The following ZCWPW1 variants were observed in gnomAD, a reference collection of about 807,000 sequenced individuals.
ZCWPW1 encodes zinc finger CW-type and PWWP domain containing 1.
A neutral mutation model predicts 81.3 loss-of-function variants in ZCWPW1; 56 were observed. That is an observed-to-expected ratio of 0.69 (90% CI 0.56 to 0.86). The LOEUF (loss-of-function observed/expected upper bound fraction) is 0.86. ZCWPW1 is among the 40% of genes least tolerant of loss of function. The pLI is 0.00. For synonymous variants in ZCWPW1, 250 were observed against 273.7 expected, an observed-to-expected ratio of 0.91 and a Z score of 0.86; for missense variants, 650 against 769.8, an observed-to-expected ratio of 0.84 and a Z score of 1.84.
chr7:100,409,373 G>A, intron 9 of ZCWPW1, 55 bp downstream of exon 9: 4 of 1,380,782 alleles, frequency 2.9e-6, no homozygotes, highest in Non-Finnish European at 3.1e-6. Context: ...TAAGTGCAGA[G>A]AAAGAAAGGG....
intron 8 of ZCWPW1, among the ~76,000 whole-genome samples, chr7:100,411,806 T>A (rs1360668984): frequency 6.6e-6 from 1 of 152,084 alleles, no homozygotes; most frequent in Non-Finnish European, 1.5e-5. Context: ...ATCACTATAA[T>A]GATATGGAAC....
At chr7:100,419,483 A>C in intron 4 of ZCWPW1, 147 bp downstream of exon 4, 2 of 1,400,396 alleles carry the variant, frequency 1.4e-6, no homozygotes, top group South Asian at 3.1e-5. Flanking sequence ...CTCTTTGAGA[A>C]AAAAAAAAGG....
intron 10 of ZCWPW1, 96 bp from the exon 11 acceptor site, chr7:100,407,399 G>C: frequency 8.6e-7 from 1 of 1,161,530 alleles, no homozygotes; most frequent in Non-Finnish European, 1.2e-6. Flanking sequence ...AGAGCAGTAT[G>C]ATTTTTTTTC....
chr7:100,411,569 T>C (rs1794173867), intron 8 of ZCWPW1, among the ~76,000 whole-genome samples: 1 of 151,868 alleles, frequency 6.6e-6, no homozygotes, highest in Non-Finnish European at 1.5e-5. Context: ...ATGCCCAGCC[T>C]CAATTACCTT....
At chr7:100,403,232 T>G (rs1042462513) in intron 15 of ZCWPW1, among the ~76,000 whole-genome samples, 1 of 151,722 alleles carries the variant, frequency 6.6e-6, no homozygotes, top group Non-Finnish European at 1.5e-5. Context: ...TTTTTTTTTT[T>G]TGAGAGGGAG....
chr7:100,413,265 C>A (rs1794583185), intron 8 of ZCWPW1, among the ~76,000 whole-genome samples: 1 of 152,226 alleles, frequency 6.6e-6, no homozygotes, highest in African/African-American at 2.4e-5. Flanking sequence ...TTTGACCTAG[C>A]CACTGCCTCC....
rs543500449 is a variant in ZCWPW1 at position 100,424,553 on chromosome 7, C to T, written c.-30+477G>A. ...CTTGGCTCACTGAAACCTCTGCCTC[C>T]CAGGTTCAAGCGATTCTCCTGCCTC... On this transcript the variant is annotated intron_variant, in intron 2 of 17. Coordinates refer to ENST00000684423, the MANE Select transcript of ZCWPW1 (RefSeq NM_001386010.1). Among the ~76,000 whole-genome samples, 68 of 152,188 alleles carry T rather than the reference C, an allele frequency of 4.5e-4. 1 individual carries two copies. In the South Asian group the frequency reaches 0.013, roughly 29 times the overall value.
intron 5 of ZCWPW1, 153 bp from the exon 6 acceptor site, chr7:100,417,336 A>T: frequency 1.7e-6 from 1 of 585,210 alleles, no homozygotes; most frequent in East Asian, 2.9e-5. Context: ...TTTTCAGGAA[A>T]AACTACAAAT....
chr7:100,415,875 C>T (rs1337066130), intron 8 of ZCWPW1, 100 bp downstream of exon 8: 12 of 1,463,732 alleles, frequency 8.2e-6, no homozygotes, highest in Admixed American at 1.9e-5. Context: ...GAGAGATTGA[C>T]TATATTCTTT....
At chr7:100,416,261 C>T in intron 7 of ZCWPW1, 44 bp downstream of exon 7, 1 of 1,605,166 alleles carries the variant, frequency 6.2e-7, no homozygotes, top group African/African-American at 1.3e-5. Context: ...TTTCCTGGAG[C>T]TAGTACTTGA....
intron 3 of ZCWPW1, 45 bp from the exon 4 acceptor site, chr7:100,419,928 A>T (rs1712089780): frequency 6.8e-7 from 1 of 1,460,754 alleles, no homozygotes; most frequent in African/African-American, 1.4e-5. Flanking sequence ...CATACAGTCT[A>T]ACAGAGATTG....
At chr7:100,419,967 C>T in intron 3 of ZCWPW1, 84 bp from the exon 4 acceptor site, 1 of 1,141,890 alleles carries the variant, frequency 8.8e-7, no homozygotes. Context: ...CTAGCCATAA[C>T]AGAATGATAT....
At chr7:100,410,628 T>C (rs1472410886) in intron 8 of ZCWPW1, among the ~76,000 whole-genome samples, 1 of 152,148 alleles carries the variant, frequency 6.6e-6, no homozygotes, top group African/African-American at 2.4e-5. Context: ...CACCCCATTA[T>C]TTCAGTCCCT....
intron 8 of ZCWPW1, among the ~76,000 whole-genome samples, chr7:100,414,940 G>T (rs560222298): frequency 3.0e-4 from 46 of 151,662 alleles, no homozygotes; most frequent in Admixed American, 8.5e-4. Flanking sequence ...CAGGAGAATC[G>T]CTTGAACCCG....
Position 100,417,133 on chromosome 7 carries a change from C to T in ZCWPW1, c.412G>A (p.Val138Ile), listed in dbSNP as rs1252162671. 6.2e-7 allele frequency: 1 copy of T among 1,613,966 alleles called. No individual in the cohort carries two copies. The highest frequency in any genetic ancestry group is 8.5e-7 in the Non-Finnish European group (1 of 1,179,986). Reference protein sequence around the residue: ...FAETSCAQPVVSTQSDKEPGI... With the variant: ...FAETSCAQPVISTQSDKEPGI... The stretch of plus-strand genomic sequence containing the variant: ...GGCTCCTTGTCTGATTGGGTAGATA[C>T]TACGGGCTGGGCACAAGAAGTCTCT... The change falls in exon 6 of 18, where the codon GTA (valine) becomes ATA (isoleucine). Residue 138 changes from valine to isoleucine, a missense_variant. Transcript: ENST00000684423.
In ZCWPW1 at chr7:100,419,177, G is replaced by T; in HGVS notation, c.295C>A (p.Leu99Ile). 6.2e-7 allele frequency: 1 copy of T among 1,613,014 alleles called. No individual in the cohort carries two copies. Among genetic ancestry groups the T allele is most frequent in the African/African-American group, 1.3e-5 (1 of 74,962 alleles). ...ATCTCCTCAAATTCTGCATTGGTAA[G>T]ACTTGATTTTTCCTGCAGAGACAAG... ...AEKKEKEKSSLTNAEFEEIVQ... is the reference protein window; with the variant it reads ...AEKKEKEKSSITNAEFEEIVQ... The change falls in exon 5 of 18, where the codon CTT (leucine) becomes ATT (isoleucine). Residue 99 changes from leucine to isoleucine, a missense_variant. Coordinates refer to ENST00000684423, the MANE Select transcript of ZCWPW1 (RefSeq NM_001386010.1).
intron 10 of ZCWPW1, among the ~76,000 whole-genome samples, chr7:100,407,562 A>G (rs1486781810): frequency 6.6e-6 from 1 of 151,704 alleles, no homozygotes; most frequent in African/African-American, 2.4e-5. Context: ...CCAGCTGTTT[A>G]TTTTATTTTT....
intron 14 of ZCWPW1, 111 bp downstream of exon 14, chr7:100,404,067 C>A: frequency 8.4e-7 from 1 of 1,183,498 alleles, no homozygotes; most frequent in South Asian, 1.4e-5. Flanking sequence ...ATTAAAGAAT[C>A]CAGAATTAGC....
At chr7:100,420,367 A>G (rs752283084) in intron 3 of ZCWPW1, among the ~76,000 whole-genome samples, 1 of 152,226 alleles carries the variant, frequency 6.6e-6, no homozygotes, top group Non-Finnish European at 1.5e-5. Context: ...TACTCTGCAC[A>G]TAACTGGTGG....
Sources: allele counts gnomAD v4.1 joint callset (sites outside exome capture counted in the v4.1 genomes callset), GRCh38; gene constraint gnomAD v4.1.1; transcripts MANE v1.5; gene names NCBI Gene and HGNC (gene_info 2026-07-23, HGNC 2026-07-21).